Variants in ADARB2 observed in about 807,000 individuals in gnomAD.
The protein encoded by ADARB2 is adenosine deaminase RNA specific B2 (inactive).
Under a neutral mutation model 62.2 loss-of-function variants are expected in ADARB2, and 25 were observed. That is an observed-to-expected ratio of 0.40 (90% CI 0.29 to 0.56). The LOEUF (loss-of-function observed/expected upper bound fraction) is 0.56, where lower values mean the gene tolerates loss of function less well. Ranked by LOEUF, ADARB2 falls within the 20% of genes least tolerant of loss-of-function variation. The pLI is 0.43. For synonymous variants in ADARB2, 572 were observed against 500.8 expected (o/e 1.14, Z -1.90); for missense variants, 1,071 against 1,077.4 (o/e 0.99, Z 0.08).
At chr10:1,633,282 A>G (rs1833864967) in intron 1 of ADARB2, among the ~76,000 whole-genome samples, 1 of 152,160 alleles carries the variant, frequency 6.6e-6, no homozygotes, top group Admixed American at 6.5e-5. Context: ...TTCCCATAAT[A>G]AACCTCCCCA....
At chr10:1,198,261 C>T (rs191113744) in intron 8 of ADARB2, among the ~76,000 whole-genome samples, 1 of 152,284 alleles carries the variant, frequency 6.6e-6, no homozygotes, top group African/African-American at 2.4e-5. Flanking sequence ...ATCTAAATTG[C>T]TGGGCCTCAT....
At chr10:1,241,975 A>T (rs910302503) in intron 5 of ADARB2, among the ~76,000 whole-genome samples, 156 bp downstream of exon 5, 2 of 152,188 alleles carry the variant, frequency 1.3e-5, no homozygotes, top group African/African-American at 4.8e-5. Flanking sequence ...TGTGCCAGGG[A>T]TGTCTCTAGT....
chr10:1,205,145 A>G (rs1046172535), intron 7 of ADARB2, among the ~76,000 whole-genome samples: 1 of 152,240 alleles, frequency 6.6e-6, no homozygotes, highest in East Asian at 1.9e-4. Flanking sequence ...GCCCCAGCTG[A>G]TCTGCCAGGA....
chr10:1,567,534 C>A (rs927321497), intron 1 of ADARB2, among the ~76,000 whole-genome samples: 1 of 152,178 alleles, frequency 6.6e-6, no homozygotes, highest in Non-Finnish European at 1.5e-5. Context: ...AAACTGCCCC[C>A]ACTCTGAAGA....
In ADARB2 at chr10:1,479,669, A is replaced by G. The variant is rs570341306; in HGVS notation, c.101-100509T>C. Among the ~76,000 whole-genome samples the G allele has an allele frequency of 2.6e-5, 4 of 152,326 alleles. No homozygotes were observed. The East Asian group carries it at 7.7e-4, about 29-fold the overall frequency. On this transcript the variant is annotated intron_variant, in intron 1 of 9. Transcript: ENST00000381312. ...AGGCTGAAGAGGGGTGGCGGCTCCA[A>G]CATGTAACTGGTTTCCACCAATAAC...
intron 1 of ADARB2, among the ~76,000 whole-genome samples, chr10:1,422,369 G>A (rs1286196768): frequency 1.3e-5 from 2 of 152,170 alleles, no homozygotes; most frequent in African/African-American, 4.8e-5. Flanking sequence ...GGAGTGAGAG[G>A]GAGGCACTGT....
intron 3 of ADARB2, among the ~76,000 whole-genome samples, chr10:1,309,214 C>A (rs1407477875): frequency 6.6e-6 from 1 of 152,210 alleles, no homozygotes; most frequent in East Asian, 1.9e-4. Context: ...ATAAACATTG[C>A]CTGTCATGTT....
rs555074215 is a variant in ADARB2 at position 1,475,045 on chromosome 10, C to T, written c.101-95885G>A. Among the ~76,000 whole-genome samples, 3 of 152,186 alleles carry T rather than the reference C, an allele frequency of 2.0e-5. No homozygotes were observed. In the East Asian group the frequency reaches 5.9e-4, roughly 30 times the overall value. The stretch of plus-strand genomic sequence containing the variant: ...CCACGCCCACGGGGACCCCCACGGG[C>T]CGCTGCTACAGAGCAGCGGGTGCCA... On this transcript the variant is annotated intron_variant, in intron 1 of 9. Transcript: ENST00000381312.
At chr10:1,510,126 T>TTCTA (rs1182094634) in intron 1 of ADARB2, among the ~76,000 whole-genome samples, 2 of 128,516 alleles carry the variant, frequency 1.6e-5, no homozygotes, top group Non-Finnish European at 3.2e-5. Context: ...CTTTCTTTCT[T>TTCTA]TCTTTCTTTC....
chr10:1,597,334 C>T (rs1833349410), intron 1 of ADARB2, among the ~76,000 whole-genome samples: 1 of 152,080 alleles, frequency 6.6e-6, no homozygotes, highest in Admixed American at 6.6e-5. Flanking sequence ...AGTAAACAGA[C>T]AACCTACAGA....
intron 8 of ADARB2, among the ~76,000 whole-genome samples, chr10:1,194,227 A>G (rs1014057694): frequency 6.6e-6 from 1 of 152,200 alleles, no homozygotes; most frequent in African/African-American, 2.4e-5. Flanking sequence ...AACTCATTCG[A>G]CTTTGAATAG....
chr10:1,592,143 C>A (rs1833264871), intron 1 of ADARB2, among the ~76,000 whole-genome samples: 1 of 152,208 alleles, frequency 6.6e-6, no homozygotes, highest in Admixed American at 6.5e-5. Flanking sequence ...GCACCAGACA[C>A]CCAGGATGGG....
chr10:1,308,541 G>A (rs1241662113), intron 3 of ADARB2, among the ~76,000 whole-genome samples: 2 of 152,142 alleles, frequency 1.3e-5, no homozygotes, highest in African/African-American at 4.8e-5. Context: ...TGAACCATAT[G>A]GTCAGAGTAT....
Position 1,249,441 on chromosome 10 carries a change from C to CAA in ADARB2, c.1193-7144_1193-7143dup, listed in dbSNP as rs59037749. On this transcript the variant is annotated intron_variant, in intron 4 of 9. Transcript: ENST00000381312. ...TGGGTAACAGAGCAAGACCCTGTCT[C>CAA]AAAAAAAAAAAAAAAAAATGGATTT... 3.6e-3 allele frequency among the ~76,000 whole-genome samples: 265 copies of CAA among 74,386 alleles called. 1 individual carries two copies. The highest frequency in any genetic ancestry group is 9.0e-3 in the African/African-American group (240 of 26,592). The allele number at this position is 74,386 out of a possible 152,430, so 48.8% of individuals were successfully genotyped here. A position where few individuals can be genotyped will look rare whatever the true frequency, so the allele number is the denominator to read the frequency against.
At chr10:1,439,896 C>A (rs1010554404) in intron 1 of ADARB2, among the ~76,000 whole-genome samples, 2 of 150,080 alleles carry the variant, frequency 1.3e-5, no homozygotes, top group African/African-American at 4.9e-5. Flanking sequence ...CACTATGGGG[C>A]TCCTGAGTCT....
At chr10:1,378,158 G>A (rs1832450819) in intron 2 of ADARB2, among the ~76,000 whole-genome samples, 1 of 152,164 alleles carries the variant, frequency 6.6e-6, no homozygotes, top group African/African-American at 2.4e-5. Context: ...GTGAACCAGA[G>A]GCCAGCTCCT....
At chr10:1,265,141 G>A (rs1044153388) in intron 4 of ADARB2, among the ~76,000 whole-genome samples, 1 of 152,232 alleles carries the variant, frequency 6.6e-6, no homozygotes, top group Admixed American at 6.5e-5. Flanking sequence ...CCCGCCCTCA[G>A]GGCATCAGGA....
At chr10:1,321,672 A>G (rs1358820119) in intron 3 of ADARB2, among the ~76,000 whole-genome samples, 1 of 152,238 alleles carries the variant, frequency 6.6e-6, no homozygotes, top group African/African-American at 2.4e-5. Flanking sequence ...GGTGTGAGCC[A>G]CCGTGCTACT....
intron 1 of ADARB2, among the ~76,000 whole-genome samples, chr10:1,617,264 G>C (rs370325905): frequency 5.4e-4 from 74 of 136,366 alleles, no homozygotes; most frequent in African/African-American, 8.7e-4. Context: ...TGGCCTCAGA[G>C]GGCTGCATTC....
Sources: allele counts gnomAD v4.1 joint callset (sites outside exome capture counted in the v4.1 genomes callset), GRCh38; gene constraint gnomAD v4.1.1; transcripts MANE v1.5; gene names NCBI Gene and HGNC (gene_info 2026-07-23, HGNC 2026-07-21).